Variants in BRIP1 observed in about 807,000 individuals in gnomAD.
BRIP1 encodes the protein Fanconi anemia group J protein.
BRIP1 carries 88 observed loss-of-function variants against 119.7 expected under a neutral mutation model. That is an observed-to-expected ratio of 0.74 (90% CI 0.62 to 0.88). The LOEUF (loss-of-function observed/expected upper bound fraction) is 0.88. Among genes scored for constraint, BRIP1 ranks in the 40% least tolerant of loss-of-function variants. The pLI, the probability that BRIP1 is intolerant of heterozygous loss-of-function variation, is 0.00. For missense variants in BRIP1, 1,259 were observed against 1,455.4 expected (o/e 0.87, Z 2.20); for synonymous variants, 443 against 496.5 (o/e 0.89, Z 1.43).
At position 61,731,645 on chromosome 17, in the gene BRIP1, C is replaced by T. The variant is rs537387610; in HGVS notation, c.2379+11368G>A. On this transcript the variant is annotated intron_variant, in intron 16 of 19. Transcript: ENST00000259008. ...TACTCTTATCCATTCTGTACACATT[C>T]ATAACTCCTAGTTTTCTTTCCAGTG... Among the ~76,000 whole-genome samples, 62 of 152,316 alleles carry T rather than the reference C, an allele frequency of 4.1e-4. 1 individual carries two copies. The highest frequency in any genetic ancestry group is 6.2e-4 in the South Asian group (3 of 4,828).
chr17:61,697,035 ATCTTT>A (rs2061535719), intron 17 of BRIP1, among the ~76,000 whole-genome samples: 1 of 147,174 alleles, frequency 6.8e-6, no homozygotes, highest in South Asian at 2.1e-4. Context: ...GACAAATTCT[ATCTTT>A]ACTTGTTATA....
Position 61,824,540 on chromosome 17 carries a change from A to T in BRIP1, c.628-15783T>A, listed in dbSNP as rs2078376209. Among the ~76,000 whole-genome samples, 1 of 152,250 alleles carries T rather than the reference A, an allele frequency of 6.6e-6. No individual in the cohort carries two copies. Among genetic ancestry groups the T allele is most frequent in the Non-Finnish European group, 1.5e-5 (1 of 68,038 alleles). ...ATGGTCAAATAATTTTCAGCAGCCT[A>T]TCAAGACCATTCAATGGGAAAAGAA... is the stretch of plus-strand genomic sequence containing the variant. On this transcript the variant is annotated intron_variant, in intron 6 of 19. Transcript: ENST00000259008. The surrounding 1 kb of genome is among the most constrained non-coding windows in gnomAD (Gnocchi z 4.3).
chr17:61,828,182 A>C lies in BRIP1; in HGVS notation c.627+18919T>G, dbSNP rs2078437921. Among the ~76,000 whole-genome samples, 1 of 152,240 alleles carries C rather than the reference A, an allele frequency of 6.6e-6. No individual in the cohort carries two copies. Among genetic ancestry groups the C allele is most frequent in the South Asian group, 2.1e-4 (1 of 4,836 alleles). On this transcript the variant is annotated intron_variant, in intron 6 of 19. Transcript: ENST00000259008. The surrounding 1 kb of genome is among the most constrained non-coding windows in gnomAD (Gnocchi z 4.1). ...TGTCCACTGGCAGATGAACGGACAA[A>C]CAAAATGTGGTATATCCATACAATG...
chr17:61,772,160 TATATATATATATATATATA>T (rs2077459485), intron 14 of BRIP1, among the ~76,000 whole-genome samples: 1 of 1,008 alleles, frequency 9.9e-4, no homozygotes, highest in African/African-American at 2.7e-3. Context: ...TGTGAGATTA[TATATATATATATATATATA>T]TATATATATA....
In BRIP1 at chr17:61,803,001, T is replaced by G. The variant is rs1204096704; in HGVS notation, c.919-1527A>C. On this transcript the variant is annotated intron_variant, in intron 7 of 19. Coordinates refer to ENST00000259008, the MANE Select transcript of BRIP1 (RefSeq NM_032043.3). This position sits in a 1 kb window ranked among gnomAD's most constrained non-coding sequence, Gnocchi z 4.3. ...GTATTTTTTATAGTTTCTAGCAAAG[T>G]TTAACATAGTGTTGTATGAATAGTC... 6.6e-6 allele frequency among the ~76,000 whole-genome samples: 1 copy of G among 152,228 alleles called. No homozygotes were observed. The highest frequency in any genetic ancestry group is 2.4e-5 in the African/African-American group (1 of 41,462).
intron 17 of BRIP1, among the ~76,000 whole-genome samples, chr17:61,711,512 A>C (rs1411864841): frequency 6.6e-6 from 1 of 152,174 alleles, no homozygotes; most frequent in East Asian, 1.9e-4. Flanking sequence ...GGATCTCTGT[A>C]GCTTAACCAT....
chr17:61,701,683 C>G lies in BRIP1; in HGVS notation c.2493-8171G>C, dbSNP rs548235000. Among the ~76,000 whole-genome samples the G allele has an allele frequency of 3.0e-4, 46 of 152,328 alleles. No homozygotes were observed. Among genetic ancestry groups the G allele is most frequent in the Non-Finnish European group, 4.1e-4 (28 of 68,034 alleles). The stretch of plus-strand genomic sequence containing the variant: ...CTTTAAAAGCTCTCTATGGACATTG[C>G]ATTCCTCAGCTTTTCTCTTTACATT... On this transcript the variant is annotated intron_variant, in intron 17 of 19. Transcript: ENST00000259008. This position sits in a 1 kb window ranked among gnomAD's most constrained non-coding sequence, Gnocchi z 5.1.
intron 13 of BRIP1, among the ~76,000 whole-genome samples, chr17:61,779,776 T>C (rs991431541): frequency 1.3e-5 from 2 of 151,918 alleles, no homozygotes; most frequent in African/African-American, 2.4e-5. Flanking sequence ...GACAACATGC[T>C]GAAACCCCAT....
rs1603342313 is a variant in BRIP1, at chr17:61,799,251, T to TA, written c.1188dup (p.Asn397Ter). ...GATTCCCGAGCACAGTCCTCGATGT[T>TA]ATGAGCTTCATCTAAAATGACAACC... On this transcript the variant is annotated frameshift_variant, in exon 9 of 20. Transcript: ENST00000259008. LOFTEE classifies it high-confidence loss of function. The surrounding 1 kb of genome is among the most constrained non-coding windows in gnomAD (Gnocchi z 5.1). 6.2e-7 allele frequency: 1 copy of TA among 1,613,436 alleles called. No individual in the cohort carries two copies. Among genetic ancestry groups the TA allele is most frequent in the African/African-American group, 1.3e-5 (1 of 74,916 alleles).
At chr17:61,786,413 G>A (rs1293663139) in intron 10 of BRIP1, among the ~76,000 whole-genome samples, 2 of 151,826 alleles carry the variant, frequency 1.3e-5, no homozygotes, top group Non-Finnish European at 1.5e-5. Context: ...TGAGAATTGG[G>A]ATTGAGGAGT....
chr17:61,818,425 G>T (rs2078270367), intron 6 of BRIP1, among the ~76,000 whole-genome samples: 1 of 152,066 alleles, frequency 6.6e-6, no homozygotes, highest in Admixed American at 6.6e-5. Flanking sequence ...ACTTTCCCAA[G>T]AACTTGTATT....
chr17:61,826,855 C>T (rs1454710349), intron 6 of BRIP1, among the ~76,000 whole-genome samples: 1 of 150,504 alleles, frequency 6.6e-6, no homozygotes, highest in African/African-American at 2.4e-5. Context: ...AGACAGTAGA[C>T]AGTGTGGCAA....
At position 61,703,892 on chromosome 17, in the gene BRIP1, T is replaced by C. The variant is rs145858245; in HGVS notation, c.2493-10380A>G. On this transcript the variant is annotated intron_variant, in intron 17 of 19. Coordinates refer to ENST00000259008, the MANE Select transcript of BRIP1 (RefSeq NM_032043.3). This position sits in a 1 kb window ranked among gnomAD's most constrained non-coding sequence, Gnocchi z 5.0. The stretch of plus-strand genomic sequence containing the variant: ...GTCCCACTTGTCAATTTTTGTTTTG[T>C]TGCAATTGCTTTTGAGGACTTAGTC... Among the ~76,000 whole-genome samples the C allele has an allele frequency of 3.2e-4, 48 of 152,306 alleles. No individual in the cohort carries two copies. The highest frequency in any genetic ancestry group is 1.1e-3 in the African/African-American group (47 of 41,572).
At chr17:61,785,148 T>C (rs1281179933) in intron 10 of BRIP1, among the ~76,000 whole-genome samples, 2 of 152,164 alleles carry the variant, frequency 1.3e-5, no homozygotes, top group African/African-American at 4.8e-5. Flanking sequence ...CTTTAAAGAG[T>C]TGATATGTTG....
At chr17:61,702,449 C>G (rs1216319286) in intron 17 of BRIP1, among the ~76,000 whole-genome samples, 1 of 152,092 alleles carries the variant, frequency 6.6e-6, no homozygotes, top group East Asian at 1.9e-4. Context: ...GTTCAAACAG[C>G]TTAATTTTAA....
Position 61,828,548 on chromosome 17 carries a change from T to TTA in BRIP1, c.627+18551_627+18552dup, listed in dbSNP as rs1276296589. On this transcript the variant is annotated intron_variant, in intron 6 of 19. Coordinates refer to ENST00000259008, the MANE Select transcript of BRIP1 (RefSeq NM_032043.3). The surrounding 1 kb of genome is among the most constrained non-coding windows in gnomAD (Gnocchi z 4.1). ...AAACAGATAAATGGTAAATTTTATG[T>TTA]TATATATATTTTACCATTAAAAACA... Among the ~76,000 whole-genome samples the TTA allele has an allele frequency of 6.6e-6, 1 of 152,058 alleles. No individual in the cohort carries two copies. Among genetic ancestry groups the TTA allele is most frequent in the Non-Finnish European group, 1.5e-5 (1 of 68,024 alleles).
chr17:61,826,762 T>C (rs8077922), intron 6 of BRIP1, among the ~76,000 whole-genome samples: 8,773 of 109,290 alleles, frequency 0.08, 1,012 homozygotes, highest in African/African-American at 0.27. Context: ...AAAAAACAGA[T>C]GCCGGTGAGG....
chr17:61,849,209 G>C lies in BRIP1; in HGVS notation c.427C>G (p.Gln143Glu). The C allele has an allele frequency of 6.2e-7, 1 of 1,612,898 alleles. No homozygotes were observed. Among genetic ancestry groups the C allele is most frequent in the Non-Finnish European group, 8.5e-7 (1 of 1,179,120 alleles). The stretch of plus-strand genomic sequence containing the variant: ...TTTTCATCTCTGTATATGGATGCCT[G>C]TTTCTTAGCAGATAACTTTGCAGCC... ...TLAAKLSAKK[Q>E]ASIYRDENDD... Residue 143 changes from glutamine (Q) to glutamate (E), a missense_variant, in exon 5 of 20, where the codon CAG becomes GAG. Gln to Glu is a conservative substitution (Grantham distance 29). This residue lies in a region of BRIP1 where 501 missense variants were observed against 544.0 expected (regional missense o/e 0.92). Transcript: ENST00000259008.
chr17:61,744,594 A>G lies in BRIP1; in HGVS notation c.2098-3T>C, dbSNP rs1057520463. On this transcript the variant is annotated splice_region_variant and splice_polypyrimidine_tract_variant and intron_variant, in intron 14 of 19. Transcript: ENST00000259008. This position sits in a 1 kb window ranked among gnomAD's most constrained non-coding sequence, Gnocchi z 5.0. The stretch of plus-strand genomic sequence containing the variant: ...CGTTCTTTTAATTTTTCTAATAACT[A>G]AAGAGGGGAAAGAAAAAAATGATTT... The G allele has an allele frequency of 6.2e-7, 1 of 1,611,684 alleles. No individual in the cohort carries two copies. Among genetic ancestry groups the G allele is most frequent in the Non-Finnish European group, 8.5e-7 (1 of 1,178,026 alleles).
Sources: gnomAD v4.1 joint callset for allele counts (sites outside exome capture counted in the v4.1 genomes callset) on GRCh38, gnomAD v4.1.1 for gene constraint, gnomAD v4.1.1 regional missense constraint, Gnocchi (gnomAD v3.1) non-coding constraint, MANE v1.5 for transcripts, NCBI Gene and HGNC (gene_info 2026-07-23, HGNC 2026-07-21) for gene names.